The following SEMA3B variants were observed in gnomAD, a reference collection of about 807,000 sequenced individuals.
The protein encoded by SEMA3B is semaphorin-3B.
Under a neutral mutation model 77.8 loss-of-function variants are expected in SEMA3B, and 71 were observed. The ratio of observed to expected loss-of-function variants is 0.91; its 90% CI spans 0.75 to 1.11. The LOEUF (loss-of-function observed/expected upper bound fraction) is 1.11. Ranked by LOEUF, SEMA3B falls within the 50% of genes most tolerant of loss-of-function variation. SEMA3B has a pLI of 0.00. For missense variants in SEMA3B, 968 were observed against 1,056.8 expected, an observed-to-expected ratio of 0.92 and a Z score of 1.17; for synonymous variants, 470 against 452.9, an observed-to-expected ratio of 1.04 and a Z score of -0.48.
At chr3:50,265,196 A>T (rs1553704310), upstream of SEMA3B, among the ~76,000 whole-genome samples, 1 of 152,118 alleles carries the variant, frequency 6.6e-6, no homozygotes, top group Non-Finnish European at 1.5e-5. Flanking sequence ...GCCTCAGGTG[A>T]TGATCCTATG....
rs1165128998 is a variant in SEMA3B, at chr3:50,274,859, G to A, written c.1374G>A (p.Leu458=). 6.2e-7 allele frequency: 1 copy of A among 1,611,032 alleles called. No individual in the cohort carries two copies. Among genetic ancestry groups the A allele is most frequent in the Non-Finnish European group, 8.5e-7 (1 of 1,179,792 alleles). ...TCCCTGCAGACGTTGGCACGGTGCT[G>A]AAGGTGATCTCGGTCCCCAAGGGCA... ...LFIGTDVGTV[L]KVISVPKGSR... is the part of the protein sequence containing the mutation. Residue 458 remains leucine, a synonymous_variant, in exon 12 of 17, where the codon CTG becomes CTA. Coordinates refer to ENST00000616701, the MANE Select transcript of SEMA3B (RefSeq NM_001290060.2). The surrounding 1 kb of genome is among the most constrained non-coding windows in gnomAD (Gnocchi z 4.7).
At chr3:50,260,766 G>C in the SEMA3B span, 1 of 152,444 alleles carries the variant, frequency 6.6e-6, no homozygotes, top group Admixed American at 6.5e-5. Flanking sequence ...CTCCCTCCCT[G>C]GGTGGGCCAT....
rs782127194 is a variant in SEMA3B, at chr3:50,275,547, A to C, written c.1650-13A>C. 2 of 1,613,692 alleles carry C rather than the reference A, an allele frequency of 1.2e-6. No homozygotes were observed. Among genetic ancestry groups the C allele is most frequent in the Admixed American group, 3.3e-5 (2 of 60,030 alleles). ...GAAAGAAGGGCTCACAGAAGATCGG[A>C]TGTTCCCCACAGGCGGTTCCGGCGG... On this transcript the variant is annotated splice_polypyrimidine_tract_variant and intron_variant, in intron 14 of 16. Transcript: ENST00000616701. The surrounding 1 kb of genome is among the most constrained non-coding windows in gnomAD (Gnocchi z 7.5).
At chr3:50,264,162 A>G (rs1360998490), upstream of SEMA3B, among the ~76,000 whole-genome samples, 1 of 152,088 alleles carries the variant, frequency 6.6e-6, no homozygotes, top group Non-Finnish European at 1.5e-5. Context: ...ATGAGCCATG[A>G]TCCCACCACT....
rs990355883 is a variant in SEMA3B, at chr3:50,270,098, C to T, written c.110-29C>T. 1.1e-5 allele frequency: 16 copies of T among 1,503,702 alleles called. No individual in the cohort carries two copies. Among genetic ancestry groups the T allele is most frequent in the Middle Eastern group, 2.3e-4 (1 of 4,422 alleles). The allele number at this position is 1,503,702 out of a possible 1,614,324, so 93.1% of individuals were successfully genotyped here. On this transcript the variant is annotated intron_variant, in intron 1 of 16. Coordinates refer to ENST00000616701, the MANE Select transcript of SEMA3B (RefSeq NM_001290060.2). The surrounding 1 kb of genome is among the most constrained non-coding windows in gnomAD (Gnocchi z 4.7). ...TGGGGGAGGCTTCCAGCATGGCTGG[C>T]GAGTCATCAGCAGTGTCCTGCCCTG... is the stretch of plus-strand genomic sequence containing the variant.
At position 50,277,438 on chromosome 3, in the gene SEMA3B, G is replaced by A. The variant is rs1236755132; in HGVS notation, c.*732G>A. On this transcript the variant is annotated 3_prime_UTR_variant, in exon 17 of 17. Coordinates refer to ENST00000616701, the MANE Select transcript of SEMA3B (RefSeq NM_001290060.2). Reference sequence around the variant, plus strand: ...GTGGTGGCGGGCGCCTGTAATCCTAGCTACTCAGGAGGCTGAGGCAGGAGA... The same window carrying A: ...GTGGTGGCGGGCGCCTGTAATCCTAACTACTCAGGAGGCTGAGGCAGGAGA... 6.6e-6 allele frequency: 1 copy of A among 150,692 alleles called. No individual in the cohort carries two copies. The highest frequency in any genetic ancestry group is 1.5e-5 in the Non-Finnish European group (1 of 67,956). The allele number at this position is 150,692 out of a possible 1,614,324, so 9.3% of individuals were successfully genotyped here. A position where few individuals can be genotyped will look rare whatever the true frequency, so the allele number is the denominator to read the frequency against.
chr3:50,265,216 G>A (rs1420233996), upstream of SEMA3B, among the ~76,000 whole-genome samples: 4 of 152,134 alleles, frequency 2.6e-5, no homozygotes, highest in African/African-American at 7.2e-5. Context: ...GGCCGCCCAC[G>A]CCTGCCCCCA....
Position 50,276,026 on chromosome 3 carries a change from C to A in SEMA3B, c.1845+182C>A. The A allele has an allele frequency of 1.1e-6, 1 of 920,888 alleles. No individual in the cohort carries two copies. Among genetic ancestry groups the A allele is most frequent in the Non-Finnish European group, 1.6e-6 (1 of 634,324 alleles). The allele number at this position is 920,888 out of a possible 1,614,324, so 57.0% of individuals were successfully genotyped here. ...ATTGCGTCCAACGGGGCTCCCGACC[C>A]GCCTCCCCTGAATCAAGGAGAAGAC... On this transcript the variant is annotated intron_variant, in intron 16 of 16. Coordinates refer to ENST00000616701, the MANE Select transcript of SEMA3B (RefSeq NM_001290060.2). This position sits in a 1 kb window ranked among gnomAD's most constrained non-coding sequence, Gnocchi z 5.8.
At chr3:50,266,387 GC>G (rs1285642474), upstream of SEMA3B, among the ~76,000 whole-genome samples, 1 of 152,134 alleles carries the variant, frequency 6.6e-6, no homozygotes, top group Non-Finnish European at 1.5e-5. Flanking sequence ...GCTCCCACTG[GC>G]CCCTGTTATT....
Position 50,269,743 on chromosome 3 carries a change from G to A in SEMA3B, c.110-384G>A, listed in dbSNP as rs1196054504. ...AGGCAGTTCTGCTGAGCTCAGGCTGGTGGTGGAGTGGCAGGAAAGGAACTC... is the reference window on the plus strand; with the variant it reads ...AGGCAGTTCTGCTGAGCTCAGGCTGATGGTGGAGTGGCAGGAAAGGAACTC... On this transcript the variant is annotated intron_variant, in intron 1 of 16. Coordinates refer to ENST00000616701, the MANE Select transcript of SEMA3B (RefSeq NM_001290060.2). This position sits in a 1 kb window ranked among gnomAD's most constrained non-coding sequence, Gnocchi z 4.0. Among the ~76,000 whole-genome samples, 1 of 152,192 alleles carries A rather than the reference G, an allele frequency of 6.6e-6. No homozygotes were observed. The highest frequency in any genetic ancestry group is 1.5e-5 in the Non-Finnish European group (1 of 68,020).
At position 50,276,935 on chromosome 3, in the gene SEMA3B, T is replaced by G. The variant is rs181243605; in HGVS notation, c.*229T>G. The G allele has an allele frequency of 3.3e-4, 162 of 492,784 alleles. No homozygotes were observed. In the Admixed American group the frequency reaches 6.6e-3, roughly 20 times the overall value. The allele number at this position is 492,784 out of a possible 1,614,324, so 30.5% of individuals were successfully genotyped here. ...GGGCGGCACAGGTCGGGCGCAGGAT[T>G]CAGCCGGAGGGAAGGGACGGGGAAG... On this transcript the variant is annotated 3_prime_UTR_variant, in exon 17 of 17. Transcript: ENST00000616701. The surrounding 1 kb of genome is among the most constrained non-coding windows in gnomAD (Gnocchi z 5.8).
Position 50,270,339 on chromosome 3 carries a change from C to T in SEMA3B, c.267+55C>T, listed in dbSNP as rs1488989911. ...CCAGGGAAGGAGCCCTGGGACCCCA[C>T]TCCAGCCTGGAGAGACCCAGAGGAA... is the stretch of plus-strand genomic sequence containing the variant. On this transcript the variant is annotated intron_variant, in intron 2 of 16. Coordinates refer to ENST00000616701, the MANE Select transcript of SEMA3B (RefSeq NM_001290060.2). The surrounding 1 kb of genome is among the most constrained non-coding windows in gnomAD (Gnocchi z 4.7). 1.6e-5 allele frequency: 25 copies of T among 1,609,104 alleles called. No individual in the cohort carries two copies. The highest frequency in any genetic ancestry group is 2.0e-5 in the Non-Finnish European group (23 of 1,176,252).
At position 50,274,355 on chromosome 3, in the gene SEMA3B, A is replaced by C. The variant is rs1575472432; in HGVS notation, c.1138-8A>C. The C allele has an allele frequency of 3.1e-5, 45 of 1,449,870 alleles. No individual in the cohort carries two copies. The highest frequency in any genetic ancestry group is 6.2e-5 in the South Asian group (4 of 64,290). 89.8% of individuals were successfully genotyped at this position (1,449,870 alleles called of 1,614,324 possible). A position where few individuals can be genotyped will look rare whatever the true frequency, so the allele number is the denominator to read the frequency against. On this transcript the variant is annotated splice_region_variant and splice_polypyrimidine_tract_variant and intron_variant, in intron 10 of 16. Coordinates refer to ENST00000616701, the MANE Select transcript of SEMA3B (RefSeq NM_001290060.2). The surrounding 1 kb of genome is among the most constrained non-coding windows in gnomAD (Gnocchi z 4.7). ...TCCCTGCTGTGCCTCCCTTTCCCCC[A>C]CCCCCAGTGCCCCAGCAAGACCTTT... is the stretch of plus-strand genomic sequence containing the variant.
upstream of SEMA3B, chr3:50,269,091 T>C: frequency 3.2e-6 from 2 of 632,072 alleles, no homozygotes; most frequent in South Asian, 3.7e-5. This position sits in a 1 kb window ranked among gnomAD's most constrained non-coding sequence, Gnocchi z 4.0. Flanking sequence ...CCCTAGGGGC[T>C]GTAATCTGAT....
chr3:50,271,530 G>T, intron 6 of SEMA3B, 50 bp downstream of exon 6: 3 of 1,550,000 alleles, frequency 1.9e-6, no homozygotes, highest in Non-Finnish European at 2.6e-6. Flanking sequence ...CTCCCACAGG[G>T]CAGGTGCCAA....
In SEMA3B at chr3:50,270,925, C is replaced by T; in HGVS notation, c.366C>T (p.Ala122=). 1.2e-6 allele frequency: 2 copies of T among 1,611,304 alleles called. No individual in the cohort carries two copies. Among genetic ancestry groups the T allele is most frequent in the East Asian group, 4.5e-5 (2 of 44,814 alleles). ...TGAACTTCGTGAAGTTGCTGCATGC[C>T]TACAACCGCACCCATTTGCTGGCCT... ...ECMNFVKLLH[A]YNRTHLLACG... Residue 122 remains alanine (A), a synonymous_variant, in exon 4 of 17, where the codon GCC becomes GCT. Coordinates refer to ENST00000616701, the MANE Select transcript of SEMA3B (RefSeq NM_001290060.2). The surrounding 1 kb of genome is among the most constrained non-coding windows in gnomAD (Gnocchi z 4.7).
chr3:50,264,859 T>TG (rs1430698881), upstream of SEMA3B, among the ~76,000 whole-genome samples: 22 of 145,050 alleles, frequency 1.5e-4, no homozygotes, highest in Non-Finnish European at 4.6e-5. Flanking sequence ...TGTGGCTGGT[T>TG]GGGGGGGCTC....
rs782389496 is a variant in SEMA3B, at chr3:50,275,616, G to T, written c.1705+1G>T. 2 of 1,613,702 alleles carry T rather than the reference G, an allele frequency of 1.2e-6. No individual in the cohort carries two copies. Among genetic ancestry groups the T allele is most frequent in the South Asian group, 1.1e-5 (1 of 91,090 alleles). On this transcript the variant is annotated splice_donor_variant, in intron 15 of 16. Transcript: ENST00000616701. LOFTEE classifies it high-confidence loss of function. The surrounding 1 kb of genome is among the most constrained non-coding windows in gnomAD (Gnocchi z 7.5). ...GACCCCAGCACGTTGTGCTCCGGAG[G>T]TGAGTGCCCCAGCTGCCCCTACCCT...
chr3:50,276,375 G>C lies in SEMA3B; in HGVS notation c.1919G>C (p.Gly640Ala). ...CGCAGGCTGCGGCGCCGGGACTCGG[G>C]CGTGTACTTGTGCGCCGCCGTCGAG... ...LLRRLRRRDS[G>A]VYLCAAVEQG... The change falls in exon 17 of 17, where the codon GGC becomes GCC. Residue 640 changes from glycine to alanine, a missense_variant. By Grantham distance (60) the Gly-to-Ala change is moderately conservative. Coordinates refer to ENST00000616701, the MANE Select transcript of SEMA3B (RefSeq NM_001290060.2). The surrounding 1 kb of genome is among the most constrained non-coding windows in gnomAD (Gnocchi z 5.8). 1 of 1,535,884 alleles carries C rather than the reference G, an allele frequency of 6.5e-7. No homozygotes were observed. Among genetic ancestry groups the C allele is most frequent in the Non-Finnish European group, 8.7e-7 (1 of 1,145,646 alleles).
Sources: allele counts gnomAD v4.1 joint callset (sites outside exome capture counted in the v4.1 genomes callset), GRCh38; gene constraint gnomAD v4.1.1; non-coding constraint Gnocchi (gnomAD v3.1); transcripts MANE v1.5; gene names NCBI Gene and HGNC (gene_info 2026-07-23, HGNC 2026-07-21).